Variants in SYS1 observed in about 807,000 individuals in gnomAD.
SYS1 encodes the protein SYS1 golgi trafficking protein, also known as protein SYS1 homolog.
SYS1 carries 8 observed loss-of-function variants against 17.8 expected under a neutral mutation model. The observed-to-expected ratio is 0.45, with a 90% CI of 0.26 to 0.81. The LOEUF (loss-of-function observed/expected upper bound fraction) is 0.81, where lower values mean the gene tolerates loss of function less well. Ranked by LOEUF, SYS1 falls within the 40% of genes least tolerant of loss-of-function variation. The pLI is 0.16. For synonymous variants in SYS1, 95 were observed against 90.9 expected (o/e 1.05, Z -0.26); for missense variants, 161 against 203.9 (o/e 0.79, Z 1.28).
chr20:45,375,161 T>A (rs377537898), exon 4 of SYS1: 15 of 1,614,092 alleles, frequency 9.3e-6, no homozygotes, highest in Non-Finnish European at 1.2e-5. Flanking sequence ...TGGATTCGTG[T>A]GGGCAGCCCC....
downstream of SYS1, among the ~76,000 whole-genome samples, chr20:45,371,627 CCA>C (rs1444258922): frequency 2.0e-5 from 3 of 152,240 alleles, no homozygotes. Flanking sequence ...TTTTCACGTT[CCA>C]GTTATGTTTA....
At position 45,363,705 on chromosome 20, in the gene SYS1, G is replaced by A; in HGVS notation, c.162+12G>A. 1 of 1,553,482 alleles carries A rather than the reference G, an allele frequency of 6.4e-7. No homozygotes were observed. Among genetic ancestry groups the A allele is most frequent in the African/African-American group, 1.4e-5 (1 of 73,530 alleles). ...TGTTCGACGCCGAGGTAGGGTCCCC[G>A]GACTGGGGCGGGTGGGGTCTCGGCC... is the stretch of plus-strand genomic sequence containing the variant. On this transcript the variant is annotated intron_variant, in intron 2 of 3. Transcript: ENST00000243918.
chr20:45,364,531 G>A (rs1988343899), intron 2 of SYS1, among the ~76,000 whole-genome samples: 1 of 129,056 alleles, frequency 7.7e-6, no homozygotes, highest in Non-Finnish European at 1.6e-5. Flanking sequence ...GAGTGCAGTG[G>A]CAGGATCTCG....
chr20:45,363,689 C>T lies in SYS1; in HGVS notation c.158C>T (p.Ala53Val). The T allele has an allele frequency of 6.4e-7, 1 of 1,563,914 alleles. No homozygotes were observed. The highest frequency in any genetic ancestry group is 8.6e-7 in the Non-Finnish European group (1 of 1,156,620). ...SSPSLDQMFD[A>V]EILGFSTPPG... ...CCCTCGCTGGACCAGATGTTCGACG[C>T]CGAGGTAGGGTCCCCGGACTGGGGC... Residue 53 changes from alanine to valine, a missense_variant, in exon 2 of 4, where the codon GCC becomes GTC. Ala to Val is a moderately conservative substitution (Grantham distance 64). Transcript: ENST00000243918.
At chr20:45,374,307 C>T (rs1185173391) in exon 4 of SYS1, 3 of 696,348 alleles carry the variant, frequency 4.3e-6, no homozygotes, top group Non-Finnish European at 7.8e-6. Context: ...GGGTCTTGCT[C>T]TCTTGCCCAG....
chr20:45,374,972 G>T lies in SYS1; in HGVS notation c.*678G>T, dbSNP rs774318646. ...CCAGATCCTGAACCCTGACTCTGGG[G>T]CCCAGCTCTGGGCCTGGCTTGGGGC... is the stretch of plus-strand genomic sequence containing the variant. On this transcript the variant is annotated 3_prime_UTR_variant, in exon 4 of 4. Coordinates refer to the SYS1 transcript ENST00000426004. 23 of 1,553,654 alleles carry T rather than the reference G, an allele frequency of 1.5e-5. No homozygotes were observed. In the South Asian group the frequency reaches 2.0e-4, roughly 13 times the overall value.
rs1784303285 is a variant in SYS1 at position 45,367,939 on chromosome 20, C to T, written c.*824C>T. The T allele has an allele frequency of 6.1e-6, 6 of 985,358 alleles. No individual in the cohort carries two copies. The highest frequency in any genetic ancestry group is 6.2e-5 in the Admixed American group (1 of 16,246). 61.0% of individuals were successfully genotyped at this position (985,358 alleles called of 1,614,324 possible). A position where few individuals can be genotyped will look rare whatever the true frequency, so the allele number is the denominator to read the frequency against. ...TCCTGCCTTATTTAGAATTCTTTGG[C>T]GGGAAGGGTATGATGGGTTCCCAGA... On this transcript the variant is annotated 3_prime_UTR_variant, in exon 4 of 4. Coordinates refer to ENST00000243918, the MANE Select transcript of SYS1 (RefSeq NM_033542.4).
chr20:45,371,336 G>A (rs547648936), downstream of SYS1, among the ~76,000 whole-genome samples: 3 of 152,152 alleles, frequency 2.0e-5, no homozygotes, highest in Non-Finnish European at 4.4e-5. Context: ...TTAGGCTACC[G>A]TCCCCCCTAT....
chr20:45,365,379 T>A (rs1188907018), intron 2 of SYS1: 5 of 606,482 alleles, frequency 8.2e-6, no homozygotes, highest in Non-Finnish European at 1.5e-5. Flanking sequence ...CTTGTCTGAG[T>A]TTTTACGTCC....
downstream of SYS1, chr20:45,373,865 G>T (rs764545004): frequency 1.6e-4 from 255 of 1,565,326 alleles, 1 homozygote; most frequent in Admixed American, 1.5e-3. Flanking sequence ...AGACAAACAG[G>T]CAGAGTAAGC....
exon 4 of SYS1, chr20:45,375,009 C>A: frequency 6.3e-7 from 1 of 1,595,806 alleles, no homozygotes; most frequent in Non-Finnish European, 8.6e-7. Flanking sequence ...TGCATCTCAC[C>A]TAGCCTGGCA....
downstream of SYS1, chr20:45,373,955 A>G: frequency 6.2e-7 from 1 of 1,613,500 alleles, no homozygotes; most frequent in South Asian, 1.1e-5. Flanking sequence ...CCTTCAGCTG[A>G]TGGCGCGATC....
chr20:45,376,679 G>A (rs960460673), exon 4 of SYS1: 2 of 151,926 alleles, frequency 1.3e-5, no homozygotes, highest in African/African-American at 4.8e-5. Context: ...ATGGTACTTA[G>A]CAGGCACCAA....
At chr20:45,362,840 T>C (rs1219570950), upstream of SYS1, among the ~76,000 whole-genome samples, 1 of 152,130 alleles carries the variant, frequency 6.6e-6, no homozygotes. Context: ...GGAGAAAACA[T>C]TGAGAATTTA....
At chr20:45,375,545 T>C in exon 4 of SYS1, 6 of 1,605,672 alleles carry the variant, frequency 3.7e-6, no homozygotes, top group Non-Finnish European at 5.1e-6. Flanking sequence ...TTGCAGGCAC[T>C]GTTTTCCCTG....
rs1178401669 is a variant in SYS1, at chr20:45,365,691, G to A, written c.230+5G>A. On this transcript the variant is annotated splice_donor_5th_base_variant and intron_variant, in intron 3 of 3. Transcript: ENST00000243918. ...CATCCTCAACGCCCTCACCTGGTGAGTATCACCAGTTTTGCTATCCAGCTT... is the reference window on the plus strand; with the variant it reads ...CATCCTCAACGCCCTCACCTGGTGAATATCACCAGTTTTGCTATCCAGCTT... 1.9e-6 allele frequency: 3 copies of A among 1,613,596 alleles called. No homozygotes were observed. Among genetic ancestry groups the A allele is most frequent in the East Asian group, 2.2e-5 (1 of 44,882 alleles).
At chr20:45,374,681 C>T (rs868745193) in exon 4 of SYS1, 4 of 426,576 alleles carry the variant, frequency 9.4e-6, no homozygotes, top group East Asian at 3.8e-5. Context: ...CCATCTCCCC[C>T]CTCCCACATT....
At position 45,367,491 on chromosome 20, in the gene SYS1, C is replaced by G; in HGVS notation, c.*376C>G. ...CCACTTCTTTAGTCATCTGTCTTAC[C>G]CCCCTGGGACAGCTGTTACCTTTGC... is the stretch of plus-strand genomic sequence containing the variant. On this transcript the variant is annotated 3_prime_UTR_variant, in exon 4 of 4. Coordinates refer to ENST00000243918, the MANE Select transcript of SYS1 (RefSeq NM_033542.4). 1 of 1,052,744 alleles carries G rather than the reference C, an allele frequency of 9.5e-7. No homozygotes were observed. Among genetic ancestry groups the G allele is most frequent in the Non-Finnish European group, 1.1e-6 (1 of 874,982 alleles). The allele number at this position is 1,052,744 out of a possible 1,614,324, so 65.2% of individuals were successfully genotyped here. A position where few individuals can be genotyped will look rare whatever the true frequency, so the allele number is the denominator to read the frequency against.
At chr20:45,374,950 G>C in exon 4 of SYS1, 1 of 1,526,696 alleles carries the variant, frequency 6.6e-7, no homozygotes, top group Non-Finnish European at 8.8e-7. Flanking sequence ...CAAGACTCCA[G>C]ATCCTGAACC....
Sources: gnomAD v4.1 joint callset for allele counts (sites outside exome capture counted in the v4.1 genomes callset) on GRCh38, gnomAD v4.1.1 for gene constraint, MANE v1.5 for transcripts, NCBI Gene and HGNC (gene_info 2026-07-23, HGNC 2026-07-21) for gene names.